Variants in ZNF595 observed in about 807,000 individuals in gnomAD.
ZNF595 encodes zinc finger protein 595.
In ZNF595, 9 loss-of-function variants were observed where a neutral mutation model predicts 19.4. The observed-to-expected ratio is 0.46, with a 90% CI of 0.28 to 0.81. The LOEUF (loss-of-function observed/expected upper bound fraction) is 0.81, where lower values mean the gene tolerates loss of function less well. Ranked by LOEUF, ZNF595 falls within the 30% of genes least tolerant of loss-of-function variation. The probability of loss-of-function intolerance (pLI) is 0.11; values close to 1 mark genes in which losing one functional copy is unlikely to be tolerated. For missense variants in ZNF595, 729 were observed against 736.0 expected, an observed-to-expected ratio of 0.99 and a Z score of 0.11; for synonymous variants, 255 against 255.9, an observed-to-expected ratio of 1.00 and a Z score of 0.03.
chr4:83,803 A>T (rs1714024677), intron 3 of ZNF595, among the ~76,000 whole-genome samples: 1 of 151,650 alleles, frequency 6.6e-6, no homozygotes, highest in Admixed American at 6.6e-5. Context: ...GTTTTACTTG[A>T]TTATTGTATT....
chr4:85,336 ACCCCAGAAAG>A (rs1714086928), intron 3 of ZNF595, among the ~76,000 whole-genome samples: 1 of 152,124 alleles, frequency 6.6e-6, no homozygotes, highest in Non-Finnish European at 1.5e-5. Context: ...TTTTGTAAAG[ACCCCAGAAAG>A]CCAGAAGTAA....
At position 86,067 on chromosome 4, in the gene ZNF595, C is replaced by G. The variant is rs1553801161; in HGVS notation, c.563C>G (p.Thr188Ser). The G allele has an allele frequency of 6.2e-7, 1 of 1,612,918 alleles. No homozygotes were observed. The highest frequency in any genetic ancestry group is 8.5e-7 in the Non-Finnish European group (1 of 1,179,398). The change falls in exon 4 of 4, where the codon ACT becomes AGT. Residue 188 changes from threonine (T) to serine (S), a missense_variant. Physicochemically the swap from Thr to Ser is moderately conservative, Grantham distance 58. Transcript: ENST00000610261. ...AGATCGTTTTACATGTCACACCTAA[C>G]TCAACATACAGGAATTCATGCTGGA... is the stretch of plus-strand genomic sequence containing the variant. ...CGRSFYMSHL[T>S]QHTGIHAGEK...
chr4:85,917 C>G lies in ZNF595; in HGVS notation c.413C>G (p.Ser138Ter). Reference sequence around the variant, plus strand: ...AATAATGGAGTTTACCAGTGCTTGTCAACTACCCAGAGCAAAATATTTCAA... The same window carrying G: ...AATAATGGAGTTTACCAGTGCTTGTGAACTACCCAGAGCAAAATATTTCAA... ...GVNNGVYQCL[S>*]TTQSKIFQCN... The change falls in exon 4 of 4, where the codon TCA (serine) becomes TGA (stop). Residue 138 changes from serine (S) to a stop codon, truncating the protein, a stop_gained. Transcript: ENST00000610261. LOFTEE classifies it low-confidence loss of function (END_TRUNC). 1 of 1,613,784 alleles carries G rather than the reference C, an allele frequency of 6.2e-7. No homozygotes were observed.
intron 3 of ZNF595, among the ~76,000 whole-genome samples, chr4:81,174 A>G (rs1713892741): frequency 6.6e-6 from 1 of 152,178 alleles, no homozygotes; most frequent in Admixed American, 6.5e-5. Flanking sequence ...ATTCTTTTTT[A>G]TGGCTGCAAG....
In ZNF595 at chr4:87,678, G is replaced by C. The variant is rs1171993628; in HGVS notation, c.*227G>C. ...AATGAGTTATTCTTCACAAGCATTTGTTCTTTGTATTACACACAGTCCAGT... is the reference window on the plus strand; with the variant it reads ...AATGAGTTATTCTTCACAAGCATTTCTTCTTTGTATTACACACAGTCCAGT... On this transcript the variant is annotated 3_prime_UTR_variant, in exon 4 of 4. Coordinates refer to ENST00000610261, the MANE Select transcript of ZNF595 (RefSeq NM_182524.4). The C allele has an allele frequency of 4.9e-5, 14 of 288,504 alleles. No individual in the cohort carries two copies. Among genetic ancestry groups the C allele is most frequent in the Non-Finnish European group, 3.1e-5 (5 of 160,058 alleles). 17.9% of individuals were successfully genotyped at this position (288,504 alleles called of 1,614,324 possible). A position where few individuals can be genotyped will look rare whatever the true frequency, so the allele number is the denominator to read the frequency against.
At chr4:73,122 G>A (rs1043190806) in intron 3 of ZNF595, among the ~76,000 whole-genome samples, 2 of 152,162 alleles carry the variant, frequency 1.3e-5, no homozygotes, top group Admixed American at 6.5e-5. Context: ...TTCCAATGAG[G>A]TAAGAAGTGA....
intron 1 of ZNF595, among the ~76,000 whole-genome samples, chr4:54,908 G>C (rs1581309475): frequency 6.8e-6 from 1 of 147,654 alleles, no homozygotes; most frequent in East Asian, 2.0e-4. Flanking sequence ...TTGAGATGGC[G>C]TCTTGCTCTG....
At chr4:54,749 A>G (rs1581309098) in intron 1 of ZNF595, among the ~76,000 whole-genome samples, 1 of 152,118 alleles carries the variant, frequency 6.6e-6, no homozygotes, top group East Asian at 1.9e-4. Context: ...TGCTTCCTTC[A>G]CCCACCCAGG....
At chr4:66,686 A>G (rs1581332550) in intron 3 of ZNF595, among the ~76,000 whole-genome samples, 9,262 of 147,756 alleles carry the variant, frequency 0.063, 152 homozygotes, top group East Asian at 0.13. Context: ...AACACCATCT[A>G]TTGAAGAGAC....
chr4:86,279 G>A lies in ZNF595; in HGVS notation c.775G>A (p.Glu259Lys), dbSNP rs879949408. 3.1e-6 allele frequency: 5 copies of A among 1,610,872 alleles called. No homozygotes were observed. The highest frequency in any genetic ancestry group is 4.2e-6 in the Non-Finnish European group (5 of 1,177,934). Residue 259 changes from glutamate (E) to lysine (K), a missense_variant, in exon 4 of 4, where the codon GAA (glutamate) becomes AAA (lysine). Transcript: ENST00000610261. Reference sequence around the variant, plus strand: ...TACTGGAGAGAAACCCTACAAATGTGAAGAATGTGGCAAAGCCTTTACAAG... The same window carrying A: ...TACTGGAGAGAAACCCTACAAATGTAAAGAATGTGGCAAAGCCTTTACAAG... ...IHTGEKPYKC[E>K]ECGKAFTRST...
At chr4:72,332 T>G (rs868959349) in intron 3 of ZNF595, among the ~76,000 whole-genome samples, 16 of 152,124 alleles carry the variant, frequency 1.1e-4, no homozygotes, top group African/African-American at 3.9e-4. Flanking sequence ...ACACAGAATC[T>G]CAGGGCTTAG....
chr4:80,188 A>T (rs1163857088), intron 3 of ZNF595, among the ~76,000 whole-genome samples: 1 of 152,056 alleles, frequency 6.6e-6, no homozygotes, highest in Non-Finnish European at 1.5e-5. Flanking sequence ...ATGCCCGGCT[A>T]ATTTTGTATT....
intron 3 of ZNF595, among the ~76,000 whole-genome samples, chr4:71,997 A>G (rs1244185706): frequency 6.6e-6 from 1 of 152,088 alleles, no homozygotes; most frequent in Non-Finnish European, 1.5e-5. Context: ...AATGAGCAGG[A>G]TGGGGGTGGG....
At chr4:72,593 G>A (rs1713475809) in intron 3 of ZNF595, among the ~76,000 whole-genome samples, 1 of 152,172 alleles carries the variant, frequency 6.6e-6, no homozygotes, top group Non-Finnish European at 1.5e-5. Context: ...GACATTCCTG[G>A]AAGTGCTCAT....
chr4:55,048 A>ATT (rs1183063876), intron 1 of ZNF595, among the ~76,000 whole-genome samples: 812 of 138,120 alleles, frequency 5.9e-3, no homozygotes, highest in African/African-American at 0.016. Flanking sequence ...TGCCTGGCTA[A>ATT]TTTTTTTTTT....
intron 3 of ZNF595, among the ~76,000 whole-genome samples, chr4:77,333 AT>A (rs1239638077): frequency 3.3e-5 from 5 of 150,600 alleles, no homozygotes; most frequent in Non-Finnish European, 7.4e-5. Context: ...AAAAAAAAAA[AT>A]TAGTATTTTT....
intron 3 of ZNF595, among the ~76,000 whole-genome samples, chr4:78,215 A>G (rs1283531082): frequency 2.0e-5 from 3 of 152,070 alleles, no homozygotes; most frequent in African/African-American, 7.2e-5. Flanking sequence ...TCACCGTGTT[A>G]GCCAGGATGG....
At chr4:80,560 A>G (rs1163034814) in intron 3 of ZNF595, among the ~76,000 whole-genome samples, 2 of 152,086 alleles carry the variant, frequency 1.3e-5, no homozygotes, top group Non-Finnish European at 2.9e-5. Context: ...TGAGTCCAAA[A>G]AAGAGAGTCA....
intron 3 of ZNF595, among the ~76,000 whole-genome samples, chr4:70,303 A>T (rs1285286683): frequency 3.3e-5 from 5 of 151,686 alleles, no homozygotes; most frequent in Non-Finnish European, 7.4e-5. Context: ...TCTGAATATG[A>T]ATATTGAGTT....
Sources: allele counts gnomAD v4.1 joint callset (sites outside exome capture counted in the v4.1 genomes callset), GRCh38; gene constraint gnomAD v4.1.1; transcripts MANE v1.5; gene names NCBI Gene and HGNC (gene_info 2026-07-23, HGNC 2026-07-21).